The following WDR19 variants were observed in gnomAD, a reference collection of about 807,000 sequenced individuals.
WDR19 encodes the protein WD repeat domain 19.
Under a neutral mutation model 180.0 loss-of-function variants are expected in WDR19, and 121 were observed. The observed-to-expected ratio is 0.67, with a 90% CI of 0.58 to 0.78. The LOEUF (loss-of-function observed/expected upper bound fraction) is 0.78, where lower values mean the gene tolerates loss of function less well. Among genes scored for constraint, WDR19 ranks in the 30% least tolerant of loss-of-function variants. WDR19 has a pLI of 0.00. For synonymous variants in WDR19, 497 were observed against 540.7 expected, an observed-to-expected ratio of 0.92 and a Z score of 1.12; for missense variants, 1,450 against 1,640.7, an observed-to-expected ratio of 0.88 and a Z score of 2.01.
At chr4:39,188,618 CA>C (rs60149380) in intron 3 of WDR19, among the ~76,000 whole-genome samples, 162 of 81,150 alleles carry the variant, frequency 2.0e-3, no homozygotes, top group Admixed American at 3.8e-3. Flanking sequence ...GACCTTGTCT[CA>C]AAAAAAAAAA....
At chr4:39,263,865 G>A (rs1046985076) in intron 28 of WDR19, among the ~76,000 whole-genome samples, 85 of 151,342 alleles carry the variant, frequency 5.6e-4, no homozygotes, top group Non-Finnish European at 1.5e-4. Context: ...TGGAGGTTGC[G>A]GTGAGCCAAG....
chr4:39,272,241 A>G (rs536937291), intron 31 of WDR19, among the ~76,000 whole-genome samples: 27 of 152,316 alleles, frequency 1.8e-4, no homozygotes, highest in African/African-American at 6.0e-4. Context: ...ATGCGGGGCA[A>G]AAATAGGAAT....
At chr4:39,260,051 TTCTC>T (rs1041968163) in intron 28 of WDR19, among the ~76,000 whole-genome samples, 3 of 150,678 alleles carry the variant, frequency 2.0e-5, no homozygotes, top group South Asian at 2.1e-4. Context: ...TATTCTCTCC[TTCTC>T]TCTCTCTCTC....
At chr4:39,280,119 G>GTTTTT (rs551041321) in intron 36 of WDR19, among the ~76,000 whole-genome samples, 10 of 53,962 alleles carry the variant, frequency 1.9e-4, no homozygotes, top group African/African-American at 5.6e-4. Flanking sequence ...CCCTTTTCTT[G>GTTTTT]TTTTTTTTTT....
At chr4:39,285,022 T>G (rs1348274984) in intron 36 of WDR19, among the ~76,000 whole-genome samples, 1 of 151,162 alleles carries the variant, frequency 6.6e-6, no homozygotes, top group Non-Finnish European at 1.5e-5. Context: ...GAACAGCCAC[T>G]GTACTCCAGC....
rs78842641 is a variant in WDR19 at position 39,213,105 on chromosome 4, G to A, written c.891-1496G>A. On this transcript the variant is annotated intron_variant, in intron 9 of 36. Transcript: ENST00000399820. ...AACACCAAATGTGGGTAAGGATGAG[G>A]AGAAACTGGATTACTCATACATTGC... is the stretch of plus-strand genomic sequence containing the variant. Among the ~76,000 whole-genome samples, 54 of 152,308 alleles carry A rather than the reference G, an allele frequency of 3.5e-4. 1 individual carries two copies. The East Asian group carries it at 0.01, about 28-fold the overall frequency.
chr4:39,244,344 A>G lies in WDR19; in HGVS notation c.2518A>G (p.Arg840Gly). 6.2e-7 allele frequency: 1 copy of G among 1,614,018 alleles called. No individual in the cohort carries two copies. Among genetic ancestry groups the G allele is most frequent in the Non-Finnish European group, 8.5e-7 (1 of 1,179,866 alleles). Residue 840 changes from arginine to glycine, a missense_variant, in exon 22 of 37, where the codon AGG becomes GGG. Physicochemically the swap from Arg to Gly is moderately radical, Grantham distance 125. Coordinates refer to ENST00000399820, the MANE Select transcript of WDR19 (RefSeq NM_025132.4). The part of the protein sequence containing the change: ...GVNQALKHPS[R>G]VLKRDCGAIL... The stretch of plus-strand genomic sequence containing the variant: ...TAACCAAGCCCTCAAGCATCCCAGC[A>G]GGGTCCTTAAAAGAGACTGTGGAGC...
chr4:39,275,010 C>A (rs781384621), intron 33 of WDR19, 52 bp downstream of exon 33: 1 of 1,595,508 alleles, frequency 6.3e-7, no homozygotes, highest in Non-Finnish European at 8.5e-7. Flanking sequence ...CAAAGTATTT[C>A]CAAAAATGTA....
At chr4:39,272,881 C>A in intron 31 of WDR19, 99 bp from the exon 32 acceptor site, 1 of 979,098 alleles carries the variant, frequency 1.0e-6, no homozygotes, top group South Asian at 1.7e-5. Flanking sequence ...CCACAGTGAC[C>A]CTGGGCCATC....
intron 33 of WDR19, chr4:39,275,339 C>CAA (rs1225402757): frequency 2.8e-3 from 301 of 107,128 alleles, no homozygotes; most frequent in East Asian, 5.5e-3. Flanking sequence ...GACCCCATCT[C>CAA]AAAAAAAAAA....
chr4:39,217,385 C>A, intron 13 of WDR19, 145 bp downstream of exon 13: 1 of 650,336 alleles, frequency 1.5e-6, no homozygotes, highest in African/African-American at 1.8e-5. Flanking sequence ...AAAACCCTTC[C>A]CCTTCTATAT....
At chr4:39,219,128 C>A (rs752890031) in intron 14 of WDR19, 7 of 151,868 alleles carry the variant, frequency 4.6e-5, no homozygotes, top group Non-Finnish European at 5.9e-5. Flanking sequence ...GAAGTGCACT[C>A]CAAAATAAAA....
intron 28 of WDR19, among the ~76,000 whole-genome samples, chr4:39,260,483 T>C (rs556142095): frequency 2.0e-5 from 3 of 151,826 alleles, no homozygotes; most frequent in Admixed American, 2.0e-4. Context: ...AGATTACAGG[T>C]GTGTGCTACC....
In WDR19 at chr4:39,211,943, G is replaced by C. The variant is rs987054770; in HGVS notation, c.891-2658G>C. On this transcript the variant is annotated intron_variant, in intron 9 of 36. Coordinates refer to ENST00000399820, the MANE Select transcript of WDR19 (RefSeq NM_025132.4). ...ATATAGACAGACAGAGAGAGAGAGAGAGAGAGAGAGAGAGAGAGAGAGAGA... is the reference window on the plus strand; with the variant it reads ...ATATAGACAGACAGAGAGAGAGAGACAGAGAGAGAGAGAGAGAGAGAGAGA... 5.7e-4 allele frequency among the ~76,000 whole-genome samples: 3 copies of C among 5,308 alleles called. 1 individual carries two copies. The highest frequency in any genetic ancestry group is 0.17 in the Middle Eastern group (2 of 12). 3.5% of individuals were successfully genotyped at this position (5,308 alleles called of 152,430 possible).
chr4:39,224,858 A>G, intron 14 of WDR19, 26 bp from the exon 15 acceptor site: 2 of 1,476,064 alleles, frequency 1.4e-6, no homozygotes, highest in Non-Finnish European at 9.0e-7. Flanking sequence ...TTATATTTTC[A>G]TGGCTGGATT....
intron 10 of WDR19, among the ~76,000 whole-genome samples, chr4:39,215,293 TTTTCTTTGTTTC>T (rs1332333484): frequency 0.048 from 7,043 of 145,310 alleles, 539 homozygotes; most frequent in African/African-American, 0.17. Context: ...ATTTACTACC[TTTTCTTTGTTTC>T]TTTCTTTCTT....
rs778261943 is a variant in WDR19 at position 39,273,061 on chromosome 4, C to G, written c.3565C>G (p.His1189Asp). 4 of 1,600,576 alleles carry G rather than the reference C, an allele frequency of 2.5e-6. No individual in the cohort carries two copies. Among genetic ancestry groups the G allele is most frequent in the Non-Finnish European group, 3.4e-6 (4 of 1,173,492 alleles). Residue 1189 changes from histidine to aspartate, a missense_variant and splice_region_variant, in exon 32 of 37, where the codon CAC becomes GAC. Coordinates refer to ENST00000399820, the MANE Select transcript of WDR19 (RefSeq NM_025132.4). ...VANNISKFPS[H>D]IVPILTSTVI... ...CAACAACATCAGCAAATTTCCATCA[C>G]GTAAGTACCACTGACCAGAGCTCTC...
At chr4:39,189,897 A>C in intron 4 of WDR19, 116 bp downstream of exon 4, 1 of 1,138,736 alleles carries the variant, frequency 8.8e-7, no homozygotes, top group South Asian at 1.8e-5. Flanking sequence ...AGTTATTTTC[A>C]TAGAAAAGGA....
intron 33 of WDR19, 111 bp from the exon 34 acceptor site, chr4:39,276,909 C>T (rs1735956227): frequency 8.2e-6 from 11 of 1,347,878 alleles, no homozygotes; most frequent in Non-Finnish European, 1.1e-5. Context: ...CAGAGTCTGA[C>T]TATGAAGTAG....
Sources: allele counts gnomAD v4.1 joint callset (sites outside exome capture counted in the v4.1 genomes callset), GRCh38; gene constraint gnomAD v4.1.1; transcripts MANE v1.5; gene names NCBI Gene and HGNC (gene_info 2026-07-23, HGNC 2026-07-21).